Variants in SPHKAP observed in about 807,000 individuals in gnomAD.
The protein encoded by SPHKAP is SPHK1 interactor, AKAP domain containing.
A neutral mutation model predicts 137.5 loss-of-function variants in SPHKAP; 67 were observed. That is an observed-to-expected ratio of 0.49 (90% CI 0.40 to 0.60). The LOEUF (loss-of-function observed/expected upper bound fraction) is 0.60, where lower values mean the gene tolerates loss of function less well. SPHKAP is among the 20% of genes least tolerant of loss of function. The pLI, the probability that SPHKAP is intolerant of heterozygous loss-of-function variation, is 0.00. For synonymous variants in SPHKAP, 813 were observed against 785.3 expected, an observed-to-expected ratio of 1.04 and a Z score of -0.59; for missense variants, 2,097 against 2,069.3, an observed-to-expected ratio of 1.01 and a Z score of -0.26.
intron 11 of SPHKAP, among the ~76,000 whole-genome samples, chr2:227,988,370 T>A (rs1559333952): frequency 6.6e-6 from 1 of 152,206 alleles, no homozygotes; most frequent in Non-Finnish European, 1.5e-5. Flanking sequence ...TTAATATCCT[T>A]CTTGATAACA....
chr2:228,152,104 C>A (rs183914163), intron 1 of SPHKAP, among the ~76,000 whole-genome samples: 1 of 152,192 alleles, frequency 6.6e-6, no homozygotes, highest in African/African-American at 2.4e-5. Flanking sequence ...TGACATTAAT[C>A]CTTGGTATTT....
rs774161535 is a variant in SPHKAP at position 228,018,802 on chromosome 2, G to A, written c.2052C>T (p.His684=). Residue 684 remains histidine, a synonymous_variant, in exon 7 of 12, where the codon CAC becomes CAT. Transcript: ENST00000392056. ...TGGGGTCGATTATCATATTTTTGTG[G>A]TGAACTTCATCAATGGAATGCCTCA... ...VILRHSIDEV[H]HKNMIIDPND... is the part of the protein sequence containing the mutation. 15 of 1,614,062 alleles carry A rather than the reference G, an allele frequency of 9.3e-6. No individual in the cohort carries two copies. In the African/African-American group the frequency reaches 2.0e-4, roughly 22 times the overall value.
At chr2:228,092,556 ATATGTGCCATATATATGTGTATAT>A (rs1407581609) in intron 3 of SPHKAP, among the ~76,000 whole-genome samples, 5 of 135,702 alleles carry the variant, frequency 3.7e-5, no homozygotes, top group Non-Finnish European at 1.6e-5. Context: ...ATATATGTGT[ATATGTGCCATATATATGTGTATAT>A]TATATGTGTA....
At chr2:228,178,858 A>C (rs1183207187) in intron 1 of SPHKAP, among the ~76,000 whole-genome samples, 1 of 152,144 alleles carries the variant, frequency 6.6e-6, no homozygotes, top group Admixed American at 6.5e-5. Flanking sequence ...GAAAATATTC[A>C]TAGTAAAAAT....
intron 4 of SPHKAP, chr2:228,025,776 A>T (rs1695010990): frequency 1.3e-6 from 1 of 796,274 alleles, no homozygotes; most frequent in South Asian, 5.8e-5. Context: ...CAAAGTAAAC[A>T]TAAAGTAAAC....
chr2:227,997,145 C>A (rs1693667488), intron 7 of SPHKAP, among the ~76,000 whole-genome samples: 1 of 152,170 alleles, frequency 6.6e-6, no homozygotes, highest in African/African-American at 2.4e-5. Context: ...TTGTCAGGAG[C>A]CTTCAGGAAC....
At chr2:228,055,344 T>C (rs967690582) in intron 3 of SPHKAP, among the ~76,000 whole-genome samples, 1 of 152,036 alleles carries the variant, frequency 6.6e-6, no homozygotes, top group African/African-American at 2.4e-5. Flanking sequence ...TAAAACTAAA[T>C]GGAAAACAAA....
Position 228,018,216 on chromosome 2 carries a change from G to T in SPHKAP, c.2638C>A (p.His880Asn), listed in dbSNP as rs748439215. 2 of 1,614,050 alleles carry T rather than the reference G, an allele frequency of 1.2e-6. No homozygotes were observed. Among genetic ancestry groups the T allele is most frequent in the Non-Finnish European group, 8.5e-7 (1 of 1,180,042 alleles). The change falls in exon 7 of 12, where the codon CAC becomes AAC. Residue 880 changes from histidine to asparagine, a missense_variant. By Grantham distance (68) the His-to-Asn change is moderately conservative. Coordinates refer to ENST00000392056, the MANE Select transcript of SPHKAP (RefSeq NM_001142644.2). ...SGSQEAEESIHPNTQEKYNCA... is the reference protein window; with the variant it reads ...SGSQEAEESINPNTQEKYNCA... ...TTGTACTTTTCTTGGGTGTTTGGGTGGATACTCTCCTCAGCCTCCTGGGAA... is the reference window on the plus strand; with the variant it reads ...TTGTACTTTTCTTGGGTGTTTGGGTTGATACTCTCCTCAGCCTCCTGGGAA...
intron 5 of SPHKAP, among the ~76,000 whole-genome samples, chr2:228,023,962 C>T (rs1273052052): frequency 6.6e-6 from 1 of 152,208 alleles, no homozygotes; most frequent in East Asian, 1.9e-4. Context: ...CCCATTCACT[C>T]TTTCCCGACT....
chr2:228,080,738 A>G (rs1697337473), intron 3 of SPHKAP, among the ~76,000 whole-genome samples: 1 of 19,626 alleles, frequency 5.1e-5, no homozygotes, highest in African/African-American at 2.1e-4. Context: ...AAAATAAAAT[A>G]AAATAAAATA....
At chr2:228,114,711 C>T (rs573914483) in intron 2 of SPHKAP, among the ~76,000 whole-genome samples, 1 of 152,206 alleles carries the variant, frequency 6.6e-6, no homozygotes, top group Admixed American at 6.5e-5. Context: ...TTTTCTTGGC[C>T]TCTTCACAAC....
At chr2:228,157,199 T>C (rs1700132152) in intron 1 of SPHKAP, among the ~76,000 whole-genome samples, 1 of 152,242 alleles carries the variant, frequency 6.6e-6, no homozygotes, top group Non-Finnish European at 1.5e-5. Context: ...GATAGTTTTC[T>C]TTGTACACAA....
chr2:228,180,935 G>T, intron 1 of SPHKAP, among the ~76,000 whole-genome samples: 1 of 152,236 alleles, frequency 6.6e-6, no homozygotes. Context: ...CCCGGTGTGG[G>T]GGACGAGCAA....
intron 7 of SPHKAP, among the ~76,000 whole-genome samples, chr2:227,999,216 G>T (rs961630962): frequency 6.6e-6 from 1 of 152,098 alleles, no homozygotes; most frequent in East Asian, 1.9e-4. Flanking sequence ...GGTAGGTTTG[G>T]CATTGAGGTG....
intron 3 of SPHKAP, among the ~76,000 whole-genome samples, chr2:228,049,688 A>G (rs141150283): frequency 6.6e-6 from 1 of 152,166 alleles, no homozygotes; most frequent in African/African-American, 2.4e-5. Flanking sequence ...AGATCTTCCC[A>G]TTTTTTATGT....
At chr2:228,023,500 T>C (rs1382139314) in intron 5 of SPHKAP, among the ~76,000 whole-genome samples, 1 of 152,226 alleles carries the variant, frequency 6.6e-6, no homozygotes, top group Non-Finnish European at 1.5e-5. Context: ...ATTCACAAAG[T>C]ATCTGTGATC....
chr2:227,985,841 T>C (rs1693190270), intron 11 of SPHKAP, among the ~76,000 whole-genome samples: 1 of 152,218 alleles, frequency 6.6e-6, no homozygotes, highest in Non-Finnish European at 1.5e-5. Context: ...TTGGAAACAG[T>C]CAACTTAGAT....
chr2:228,005,263 G>A (rs1412289858), intron 7 of SPHKAP, among the ~76,000 whole-genome samples: 2 of 152,174 alleles, frequency 1.3e-5, no homozygotes, highest in Non-Finnish European at 2.9e-5. Flanking sequence ...ATATATTTAG[G>A]ATAGTTAGCT....
At chr2:228,030,356 A>T (rs759487267) in intron 3 of SPHKAP, among the ~76,000 whole-genome samples, 1 of 152,038 alleles carries the variant, frequency 6.6e-6, no homozygotes, top group African/African-American at 2.4e-5. Context: ...TCTACTAAAA[A>T]TACAAAAAAC....
Sources: allele counts gnomAD v4.1 joint callset (sites outside exome capture counted in the v4.1 genomes callset), GRCh38; gene constraint gnomAD v4.1.1; transcripts MANE v1.5; gene names NCBI Gene and HGNC (gene_info 2026-07-23, HGNC 2026-07-21).